The following FGF21 variants were observed in gnomAD, a reference collection of about 807,000 sequenced individuals.
FGF21 encodes the protein fibroblast growth factor 21.
Under a neutral mutation model 13.4 loss-of-function variants are expected in FGF21, and 13 were observed. That is an observed-to-expected ratio of 0.97 (90% CI 0.63 to 1.54). The LOEUF (loss-of-function observed/expected upper bound fraction) is 1.54. Ranked by LOEUF, FGF21 falls within the 40% of genes most tolerant of loss-of-function variation. The pLI is 0.00. For missense variants in FGF21, 303 were observed against 272.4 expected, an observed-to-expected ratio of 1.11 and a Z score of -0.79; for synonymous variants, 124 against 123.6, an observed-to-expected ratio of 1.00 and a Z score of -0.02.
Position 48,758,013 on chromosome 19 carries a change from C to A in FGF21, c.423C>A (p.Gly141=). 1 of 1,612,980 alleles carries A rather than the reference C, an allele frequency of 6.2e-7. No homozygotes were observed. The highest frequency in any genetic ancestry group is 8.5e-7 in the Non-Finnish European group (1 of 1,179,528). The part of the protein sequence containing the change: ...GYNVYQSEAH[G]LPLHLPGNKS... ...ATGTTTACCAGTCCGAAGCCCACGG[C>A]CTCCCGCTGCACCTGCCAGGGAACA... Residue 141 remains glycine (G), a synonymous_variant, in exon 4 of 4, where the codon GGC becomes GGA. Transcript: ENST00000593756.
chr19:48,757,807 A>T, intron 3 of FGF21, 123 bp from the exon 4 acceptor site: 1 of 868,614 alleles, frequency 1.2e-6, no homozygotes. Context: ...CCTGGGTCTG[A>T]GGGAGGAGGC....
In FGF21 at chr19:48,757,922, T is replaced by TC. The variant is rs779010904; in HGVS notation, c.340-4dup. 1.6e-5 allele frequency: 24 copies of TC among 1,533,426 alleles called. No individual in the cohort carries two copies. The Admixed American group carries it at 2.3e-4, about 15-fold the overall frequency. 95.0% of individuals were successfully genotyped at this position (1,533,426 alleles called of 1,614,324 possible). ...AACCCTGTCTCTGATCCTGTTTTTGTCCCCTAGCTCCACTTTGACCCTGAG... is the reference window on the plus strand; with the variant it reads ...AACCCTGTCTCTGATCCTGTTTTTGTCCCCCTAGCTCCACTTTGACCCTGAG... On this transcript the variant is annotated splice_region_variant and splice_polypyrimidine_tract_variant and intron_variant, in intron 3 of 3. Transcript: ENST00000593756.
intron 3 of FGF21, 89 bp from the exon 4 acceptor site, chr19:48,757,841 C>T (rs2034134868): frequency 7.6e-7 from 1 of 1,316,216 alleles, no homozygotes; most frequent in Admixed American, 2.5e-5. Flanking sequence ...ACCCCTGGGT[C>T]TGAGGGAGGC....
In FGF21 at chr19:48,756,098, G is replaced by T. The variant is rs1041258933; in HGVS notation, c.-139G>T. 1 of 654,672 alleles carries T rather than the reference G, an allele frequency of 1.5e-6. No individual in the cohort carries two copies. 40.6% of individuals were successfully genotyped at this position (654,672 alleles called of 1,614,324 possible). A position where few individuals can be genotyped will look rare whatever the true frequency, so the allele number is the denominator to read the frequency against. Reference sequence around the variant, plus strand: ...AAAACAAGGGTGTTCTGTCAGCTGAGGATCCAGCCGAAAGAGGAGCCAGGC... The same window carrying T: ...AAAACAAGGGTGTTCTGTCAGCTGATGATCCAGCCGAAAGAGGAGCCAGGC... On this transcript the variant is annotated 5_prime_UTR_variant, in exon 2 of 4. In the 5' UTR this introduces an upstream ATG that the reference lacks. Transcript: ENST00000593756.
In FGF21 at chr19:48,758,101, C is replaced by G; in HGVS notation, c.511C>G (p.Pro171Ala). The G allele has an allele frequency of 6.2e-7, 1 of 1,610,436 alleles. No homozygotes were observed. Among genetic ancestry groups the G allele is most frequent in the Non-Finnish European group, 8.5e-7 (1 of 1,178,598 alleles). ...TCGCTTCCTGCCACTACCAGGCCTG[C>G]CCCCCGCACTCCCGGAGCCACCCGG... Reference protein sequence around the residue: ...PARFLPLPGLPPALPEPPGIL... With the variant: ...PARFLPLPGLAPALPEPPGIL... Residue 171 changes from proline to alanine, a missense_variant, in exon 4 of 4, where the codon CCC becomes GCC. Physicochemically the swap from Pro to Ala is conservative, Grantham distance 27 (BLOSUM62 -1). Transcript: ENST00000593756.
In FGF21 at chr19:48,758,259, A is replaced by T; in HGVS notation, c.*39A>T. On this transcript the variant is annotated 3_prime_UTR_variant, in exon 4 of 4. Coordinates refer to ENST00000593756, the MANE Select transcript of FGF21 (RefSeq NM_019113.4). The stretch of plus-strand genomic sequence containing the variant: ...TTACTATGACATCTCCTCTTTATTT[A>T]TTAGGTTATTTATCTTATTTATTTT... 1 of 1,507,664 alleles carries T rather than the reference A, an allele frequency of 6.6e-7. No homozygotes were observed. The highest frequency in any genetic ancestry group is 8.9e-7 in the Non-Finnish European group (1 of 1,124,354). 93.4% of individuals were successfully genotyped at this position (1,507,664 alleles called of 1,614,324 possible).
Position 48,758,185 on chromosome 19 carries a change from C to A in FGF21, c.595C>A (p.Pro199Thr), listed in dbSNP as rs1375217582. The A allele has an allele frequency of 6.2e-7, 1 of 1,612,458 alleles. No homozygotes were observed. The highest frequency in any genetic ancestry group is 1.7e-5 in the Admixed American group (1 of 59,960). The change falls in exon 4 of 4, where the codon CCT (proline) becomes ACT (threonine). Residue 199 changes from proline (P) to threonine (T), a missense_variant. Pro to Thr is a conservative substitution (Grantham distance 38). Transcript: ENST00000593756. ...GSSDPLSMVG[P>T]SQGRSPSYAS The stretch of plus-strand genomic sequence containing the variant: ...CTCGGACCCTCTGAGCATGGTGGGA[C>A]CTTCCCAGGGCCGAAGCCCCAGCTA...
Position 48,758,045 on chromosome 19 carries a change from C to T in FGF21, c.455C>T (p.Pro152Leu). Residue 152 changes from proline (P) to leucine (L), a missense_variant, in exon 4 of 4, where the codon CCA (proline) becomes CTA (leucine). Physicochemically the swap from Pro to Leu is moderately conservative, Grantham distance 98. Coordinates refer to ENST00000593756, the MANE Select transcript of FGF21 (RefSeq NM_019113.4). ...CTGCACCTGCCAGGGAACAAGTCCCCACACCGGGACCCTGCACCCCGAGGA... is the reference window on the plus strand; with the variant it reads ...CTGCACCTGCCAGGGAACAAGTCCCTACACCGGGACCCTGCACCCCGAGGA... ...LPLHLPGNKS[P>L]HRDPAPRGPA... The T allele has an allele frequency of 6.2e-7, 1 of 1,613,356 alleles. No homozygotes were observed. Among genetic ancestry groups the T allele is most frequent in the South Asian group, 1.1e-5 (1 of 91,064 alleles).
intron 3 of FGF21, among the ~76,000 whole-genome samples, chr19:48,757,294 T>A: frequency 6.6e-6 from 1 of 151,986 alleles, no homozygotes; most frequent in Non-Finnish European, 1.5e-5. Flanking sequence ...TTATTGGGAG[T>A]CTCGTGATTC....
At chr19:48,757,104 T>C (rs2034117726) in intron 3 of FGF21, 75 bp downstream of exon 3, 20 of 1,106,650 alleles carry the variant, frequency 1.8e-5, no homozygotes, top group Non-Finnish European at 2.5e-5. Flanking sequence ...GGGTGCCTTG[T>C]CTTGCTCATC....
rs578208382 is a variant in FGF21, at chr19:48,757,977, G to A, written c.387G>A (p.Glu129=). The change falls in exon 4 of 4, where the codon GAG becomes GAA. Residue 129 remains glutamate (E), a synonymous_variant. Coordinates refer to ENST00000593756, the MANE Select transcript of FGF21 (RefSeq NM_019113.4). ...GCAGCTTCCGGGAGCTGCTTCTTGAGGACGGATACAATGTTTACCAGTCCG... is the reference window on the plus strand; with the variant it reads ...GCAGCTTCCGGGAGCTGCTTCTTGAAGACGGATACAATGTTTACCAGTCCG... The part of the protein sequence containing the change: ...EACSFRELLL[E]DGYNVYQSEA... The A allele has an allele frequency of 3.1e-6, 5 of 1,602,756 alleles. No homozygotes were observed. In the African/African-American group the frequency reaches 6.7e-5, roughly 21 times the overall value.
chr19:48,756,241 A>G lies in FGF21; in HGVS notation c.5A>G (p.Asp2Gly). The G allele has an allele frequency of 6.2e-7, 1 of 1,612,720 alleles. No individual in the cohort carries two copies. Among genetic ancestry groups the G allele is most frequent in the East Asian group, 2.2e-5 (1 of 44,826 alleles). M[D>G]SDETGFEHSG... ...ACCTGAGGACCCGAGCCATTGATGG[A>G]CTCGGACGAGACCGGGTTCGAGCAC... The change falls in exon 2 of 4, where the codon GAC becomes GGC. Residue 2 changes from aspartate (D) to glycine (G), a missense_variant. Asp to Gly is a moderately conservative substitution (Grantham distance 94). Transcript: ENST00000593756.
At position 48,758,198 on chromosome 19, in the gene FGF21, G is replaced by A. The variant is rs202104197; in HGVS notation, c.608G>A (p.Arg203Gln). Residue 203 changes from arginine to glutamine, a missense_variant, in exon 4 of 4, where the codon CGA becomes CAA. Transcript: ENST00000593756. ...AGCATGGTGGGACCTTCCCAGGGCC[G>A]AAGCCCCAGCTACGCTTCCTGAAGC... ...PLSMVGPSQG[R>Q]SPSYAS is the part of the protein sequence containing the mutation. 9.8e-5 allele frequency: 157 copies of A among 1,609,894 alleles called. No individual in the cohort carries two copies. Among genetic ancestry groups the A allele is most frequent in the Admixed American group, 6.2e-4 (37 of 59,262 alleles).
Position 48,757,049 on chromosome 19 carries a change from C to G in FGF21, c.339+20C>G. On this transcript the variant is annotated intron_variant, in intron 3 of 3. Transcript: ENST00000593756. ...GGATCGGTGAGTTTCCAGGACCCTCCTCACCACCCACCATGCTCCTCCTAT... is the reference window on the plus strand; with the variant it reads ...GGATCGGTGAGTTTCCAGGACCCTCGTCACCACCCACCATGCTCCTCCTAT... The G allele has an allele frequency of 6.3e-7, 1 of 1,580,026 alleles. No homozygotes were observed. Among genetic ancestry groups the G allele is most frequent in the Non-Finnish European group, 8.7e-7 (1 of 1,149,516 alleles).
At chr19:48,757,612 G>A (rs1475520609) in intron 3 of FGF21, among the ~76,000 whole-genome samples, 1 of 125,336 alleles carries the variant, frequency 8.0e-6, no homozygotes, top group African/African-American at 3.1e-5. Flanking sequence ...TGGGGGCCTG[G>A]ACCCCTGGGT....
rs2034146965 is a variant in FGF21 at position 48,758,324 on chromosome 19, A to C, written c.*104A>C. 17 of 1,155,504 alleles carry C rather than the reference A, an allele frequency of 1.5e-5. No individual in the cohort carries two copies. Among genetic ancestry groups the C allele is most frequent in the Non-Finnish European group, 2.0e-5 (17 of 848,294 alleles). The allele number at this position is 1,155,504 out of a possible 1,614,324, so 71.6% of individuals were successfully genotyped here. On this transcript the variant is annotated 3_prime_UTR_variant, in exon 4 of 4. Transcript: ENST00000593756. ...TTGAGATAATAAAGAGTTCCAGAGG[A>C]GGATAAGAATGAGCATGTGTGAGTG...
Position 48,758,140 on chromosome 19 carries a change from C to A in FGF21, c.550C>A (p.Gln184Lys). Residue 184 changes from glutamine (Q) to lysine (K), a missense_variant, in exon 4 of 4, where the codon CAG (glutamine) becomes AAG (lysine). Physicochemically the swap from Gln to Lys is moderately conservative, Grantham distance 53. Coordinates refer to ENST00000593756, the MANE Select transcript of FGF21 (RefSeq NM_019113.4). ...LPEPPGILAP[Q>K]PPDVGSSDPL... ...GGAGCCACCCGGAATCCTGGCCCCCCAGCCCCCCGATGTGGGCTCCTCGGA... is the reference window on the plus strand; with the variant it reads ...GGAGCCACCCGGAATCCTGGCCCCCAAGCCCCCCGATGTGGGCTCCTCGGA... 2 of 1,611,618 alleles carry A rather than the reference C, an allele frequency of 1.2e-6. No homozygotes were observed. Among genetic ancestry groups the A allele is most frequent in the South Asian group, 1.1e-5 (1 of 90,982 alleles).
chr19:48,756,414 C>T lies in FGF21; in HGVS notation c.178C>T (p.His60Tyr), dbSNP rs2034094516. 1.1e-5 allele frequency: 17 copies of T among 1,613,930 alleles called. No individual in the cohort carries two copies. The highest frequency in any genetic ancestry group is 1.4e-5 in the Non-Finnish European group (17 of 1,180,038). Residue 60 changes from histidine to tyrosine, a missense_variant, in exon 2 of 4, where the codon CAC (histidine) becomes TAC (tyrosine). By Grantham distance (83) the His-to-Tyr change is moderately conservative (BLOSUM62 2). Coordinates refer to ENST00000593756, the MANE Select transcript of FGF21 (RefSeq NM_019113.4). ...YTDDAQQTEA[H>Y]LEIREDGTVG... is the part of the protein sequence containing the mutation. ...AGATGATGCCCAGCAGACAGAAGCCCACCTGGAGATCAGGGAGGATGGGAC... is the reference window on the plus strand; with the variant it reads ...AGATGATGCCCAGCAGACAGAAGCCTACCTGGAGATCAGGGAGGATGGGAC...
intron 3 of FGF21, 73 bp downstream of exon 3, chr19:48,757,102 T>C (rs1293247377): frequency 8.7e-7 from 1 of 1,155,612 alleles, no homozygotes; most frequent in East Asian, 2.4e-5. Flanking sequence ...TGGGGTGCCT[T>C]GTCTTGCTCA....
Sources: gnomAD v4.1 joint callset for allele counts (sites outside exome capture counted in the v4.1 genomes callset) on GRCh38, gnomAD v4.1.1 for gene constraint, MANE v1.5 for transcripts, NCBI Gene and HGNC (gene_info 2026-07-23, HGNC 2026-07-21) for gene names.